The following NRG1 variants were observed in gnomAD, a reference collection of about 807,000 sequenced individuals.
The protein encoded by NRG1 is neuregulin 1.
NRG1 carries 18 observed loss-of-function variants against 63.8 expected under a neutral mutation model. The observed-to-expected ratio is 0.28, with a 90% CI of 0.19 to 0.42. NRG1 has a LOEUF of 0.42. Ranked by LOEUF, NRG1 falls within the 10% of genes least tolerant of loss-of-function variation. The pLI, the probability that NRG1 is intolerant of heterozygous loss-of-function variation, is 1.00. For missense variants in NRG1, 762 were observed against 814.7 expected (o/e 0.94, Z 0.79); for synonymous variants, 302 against 301.3 (o/e 1.00, Z -0.02).
chr8:32,583,583 G>T (rs925952645), intron 1 of NRG1, among the ~76,000 whole-genome samples: 2 of 152,088 alleles, frequency 1.3e-5, no homozygotes, highest in Non-Finnish European at 1.5e-5. Flanking sequence ...GATTCATGGG[G>T]AATTAATTAA....
intron 1 of NRG1, among the ~76,000 whole-genome samples, chr8:32,409,817 C>T (rs910712421): frequency 4.3e-4 from 65 of 152,288 alleles, no homozygotes; most frequent in African/African-American, 1.5e-3. Flanking sequence ...CACAGGAAAG[C>T]ACTAAGTGAG....
chr8:32,086,734 C>T (rs756412038), intron 1 of NRG1, among the ~76,000 whole-genome samples: 2 of 152,124 alleles, frequency 1.3e-5, no homozygotes, highest in Non-Finnish European at 2.9e-5. Context: ...ATATTGTTTA[C>T]TGTGTTTAAA....
intron 1 of NRG1, among the ~76,000 whole-genome samples, chr8:32,482,197 A>C (rs2129493259): frequency 6.6e-6 from 1 of 152,244 alleles, no homozygotes; most frequent in East Asian, 1.9e-4. Context: ...GCTGGTAACC[A>C]GCTCTTCAGG....
intron 1 of NRG1, among the ~76,000 whole-genome samples, chr8:32,243,096 C>T (rs926154764): frequency 6.6e-6 from 1 of 152,064 alleles, no homozygotes; most frequent in African/African-American, 2.4e-5. Flanking sequence ...CTATGCATGT[C>T]TGTCTCTGTG....
chr8:32,552,210 C>CTTTTTTTTTTT (rs35243877), intron 1 of NRG1, among the ~76,000 whole-genome samples: 1 of 124,766 alleles, frequency 8.0e-6, no homozygotes. Context: ...CGCTTGGCCG[C>CTTTTTTTTTTT]TTTTTTTTTT....
intron 1 of NRG1, among the ~76,000 whole-genome samples, chr8:31,647,123 C>T (rs4733267): frequency 0.21 from 31,712 of 152,126 alleles, 4,323 homozygotes; most frequent in East Asian, 0.57. Context: ...TGACAGACTT[C>T]AGTATTCAGA....
intron 1 of NRG1, among the ~76,000 whole-genome samples, chr8:32,445,096 T>C (rs1820077959): frequency 6.6e-6 from 1 of 152,188 alleles, no homozygotes. Flanking sequence ...TCTGTATCCA[T>C]GACAGATTAG....
chr8:31,936,738 G>A (rs73580666), intron 1 of NRG1, among the ~76,000 whole-genome samples: 4,878 of 152,196 alleles, frequency 0.032, 275 homozygotes, highest in African/African-American at 0.11. Context: ...TGTTCATCAC[G>A]TACAGAGTAC....
intron 5 of NRG1, among the ~76,000 whole-genome samples, chr8:32,717,478 G>A (rs939486100): frequency 4.6e-5 from 7 of 152,108 alleles, no homozygotes; most frequent in South Asian, 4.1e-4. Context: ...TACTCTGATC[G>A]TGAACTTGGG....
intron 1 of NRG1, among the ~76,000 whole-genome samples, chr8:31,785,274 G>A (rs1820061946): frequency 6.6e-6 from 1 of 152,134 alleles, no homozygotes; most frequent in Non-Finnish European, 1.5e-5. Context: ...TGTCCTTCAA[G>A]GATTGGCAGT....
chr8:31,639,385 C>G (rs1370623261), exon 1 of NRG1: 1 of 1,534,634 alleles, frequency 6.5e-7, no homozygotes. Flanking sequence ...CGCTCCGCTC[C>G]GGCAGCAGCA....
At chr8:32,688,108 G>C (rs1004983846) in intron 5 of NRG1, among the ~76,000 whole-genome samples, 5 of 152,130 alleles carry the variant, frequency 3.3e-5, no homozygotes, top group African/African-American at 1.2e-4. Flanking sequence ...GAAGAAAATA[G>C]GAATTAGTTT....
intron 1 of NRG1, among the ~76,000 whole-genome samples, chr8:31,744,908 C>T (rs7002293): frequency 0.21 from 31,554 of 151,896 alleles, 3,732 homozygotes; most frequent in Non-Finnish European, 0.26. Flanking sequence ...CATGGCTTAG[C>T]AAAGAGTCCT....
chr8:32,084,143 A>G (rs1827890249), intron 1 of NRG1, among the ~76,000 whole-genome samples: 1 of 152,228 alleles, frequency 6.6e-6, no homozygotes, highest in Non-Finnish European at 1.5e-5. Context: ...CCCTTATAGA[A>G]ACTAAAAATA....
intron 1 of NRG1, among the ~76,000 whole-genome samples, chr8:32,342,229 A>G (rs1804170763): frequency 6.6e-6 from 1 of 152,232 alleles, no homozygotes; most frequent in Admixed American, 6.5e-5. Flanking sequence ...ACTTTAAAGC[A>G]TGGCAGCCAA....
At chr8:32,349,832 A>G (rs1454622783) in intron 1 of NRG1, among the ~76,000 whole-genome samples, 1 of 152,198 alleles carries the variant, frequency 6.6e-6, no homozygotes, top group Non-Finnish European at 1.5e-5. Context: ...GACATTCCAT[A>G]TAGCCATCTT....
chr8:31,959,807 T>C, intron 1 of NRG1, among the ~76,000 whole-genome samples: 1 of 125,294 alleles, frequency 8.0e-6, no homozygotes. Flanking sequence ...ATTTATTTAT[T>C]TATTTATTTA....
intron 8 of NRG1, among the ~76,000 whole-genome samples, chr8:32,755,737 A>G (rs1052854536): frequency 7.3e-5 from 11 of 150,014 alleles, no homozygotes; most frequent in African/African-American, 2.7e-4. Flanking sequence ...ACTCTTATAA[A>G]TTCTACAGCA....
chr8:32,403,069 C>T (rs1277013462), intron 1 of NRG1, among the ~76,000 whole-genome samples: 3 of 151,668 alleles, frequency 2.0e-5, no homozygotes, highest in Admixed American at 6.6e-5. Flanking sequence ...GAGGCCAAGA[C>T]GGGTGGATCA....
Sources: gnomAD v4.1 joint callset for allele counts (sites outside exome capture counted in the v4.1 genomes callset) on GRCh38, gnomAD v4.1.1 for gene constraint, MANE v1.5 for transcripts, NCBI Gene and HGNC (gene_info 2026-07-23, HGNC 2026-07-21) for gene names.